RNF111: variants seen among roughly 807,000 people sequenced by gnomAD.
The protein encoded by RNF111 is E3 ubiquitin-protein ligase Arkadia.
In RNF111, 17 loss-of-function variants were observed where a neutral mutation model predicts 95.1. That is an observed-to-expected ratio of 0.18 (90% confidence interval 0.12 to 0.27). The LOEUF (loss-of-function observed/expected upper bound fraction) is 0.27, where lower values mean the gene tolerates loss of function less well. Ranked by LOEUF, RNF111 falls within the 10% of genes least tolerant of loss-of-function variation. RNF111 has a pLI of 1.00. For missense variants in RNF111, 1,189 were observed against 1,210.4 expected (o/e 0.98, Z 0.26); for synonymous variants, 440 against 414.8 (o/e 1.06, Z -0.74).
chr15:59,050,856 G>A (rs538889673), intron 2 of RNF111, among the ~76,000 whole-genome samples: 1 of 152,268 alleles, frequency 6.6e-6, no homozygotes, highest in South Asian at 2.1e-4. Flanking sequence ...CCTATGTTGT[G>A]CAGTAAATTT....
intron 5 of RNF111, 136 bp from the exon 6 acceptor site, chr15:59,066,628 C>T (rs2042668262): frequency 2.7e-6 from 2 of 734,462 alleles, no homozygotes; most frequent in Admixed American, 2.9e-5. Flanking sequence ...AAGAACGTGG[C>T]ACTATCACAT....
intron 8 of RNF111, among the ~76,000 whole-genome samples, chr15:59,081,512 CAAAG>C: frequency 6.7e-6 from 1 of 150,004 alleles, no homozygotes; most frequent in African/African-American, 2.5e-5. Flanking sequence ...AAAAAAAGAA[CAAAG>C]AACAGCAACA....
intron 1 of RNF111, among the ~76,000 whole-genome samples, chr15:59,020,892 C>T (rs1227912395): frequency 6.6e-6 from 1 of 152,016 alleles, no homozygotes; most frequent in Non-Finnish European, 1.5e-5. Flanking sequence ...GTTTTTTATG[C>T]CCTTCTTTTT....
chr15:59,047,549 G>A (rs1486436112), intron 2 of RNF111, among the ~76,000 whole-genome samples: 1 of 152,108 alleles, frequency 6.6e-6, no homozygotes, highest in South Asian at 2.1e-4. Flanking sequence ...AAAATGCTCA[G>A]CACCATTAGT....
At chr15:59,060,549 C>T (rs2042389915) in intron 5 of RNF111, among the ~76,000 whole-genome samples, 1 of 152,152 alleles carries the variant, frequency 6.6e-6, no homozygotes, top group Admixed American at 6.5e-5. Flanking sequence ...TCAGGAGAAT[C>T]ATGTGATCCT....
intron 2 of RNF111, among the ~76,000 whole-genome samples, chr15:59,036,554 G>C (rs777870214): frequency 6.6e-6 from 1 of 152,126 alleles, no homozygotes; most frequent in Non-Finnish European, 1.5e-5. Context: ...ACTACCGTGA[G>C]AACATGGTAT....
intron 6 of RNF111, among the ~76,000 whole-genome samples, chr15:59,067,908 A>G (rs957348635): frequency 1.3e-5 from 2 of 152,222 alleles, no homozygotes. Flanking sequence ...TGAGGTTTTC[A>G]GTTTATGGAG....
intron 3 of RNF111, among the ~76,000 whole-genome samples, 174 bp from the exon 4 acceptor site, chr15:59,055,508 T>C (rs1343246661): frequency 4.9e-5 from 4 of 81,136 alleles, no homozygotes. Flanking sequence ...GTATTTCTTA[T>C]ATTCTTAGGT....
intron 9 of RNF111, 64 bp from the exon 10 acceptor site, chr15:59,085,595 C>T: frequency 7.6e-6 from 11 of 1,451,352 alleles, no homozygotes; most frequent in Non-Finnish European, 1.0e-5. Context: ...AAACATAACT[C>T]CCCATGTCTG....
At chr15:59,076,574 C>T (rs1021198664) in intron 7 of RNF111, among the ~76,000 whole-genome samples, 1 of 152,022 alleles carries the variant, frequency 6.6e-6, no homozygotes, top group Non-Finnish European at 1.5e-5. Flanking sequence ...TAAAATATAA[C>T]CATGGTTGGG....
chr15:59,067,154 C>G, intron 6 of RNF111, 71 bp downstream of exon 6: 8 of 1,246,942 alleles, frequency 6.4e-6, no homozygotes, highest in Middle Eastern at 2.3e-4. Flanking sequence ...TCTCCCTTTT[C>G]TCTCTCTTCC....
intron 2 of RNF111, among the ~76,000 whole-genome samples, chr15:59,044,901 C>T (rs1287092821): frequency 1.3e-5 from 2 of 152,060 alleles, no homozygotes; most frequent in South Asian, 4.1e-4. Context: ...TGTGAATATG[C>T]TTTAGTTATA....
intron 3 of RNF111, among the ~76,000 whole-genome samples, chr15:59,053,500 A>G (rs1459792255): frequency 6.6e-6 from 1 of 152,222 alleles, no homozygotes; most frequent in African/African-American, 2.4e-5. Context: ...CATCTGTTAC[A>G]AACACTTAGA....
rs1295291880 is a variant in RNF111 at position 59,085,698 on chromosome 15, T to C, written c.2463T>C (p.Tyr821=). The C allele has an allele frequency of 3.7e-6, 6 of 1,613,508 alleles. No individual in the cohort carries two copies. Among genetic ancestry groups the C allele is most frequent in the East Asian group, 2.2e-5 (1 of 44,844 alleles). The change falls in exon 10 of 14, where the codon TAT becomes TAC. Residue 821 remains tyrosine (Y), a synonymous_variant. Transcript: ENST00000348370. ...AAGCTGGAGTGACTGCAGCTACTTA[T>C]ACACCTGGTGCATTGCATCCTCACT... ...GIEAGVTAAT[Y]TPGALHPHLA... is the part of the protein sequence containing the mutation.
Position 59,085,638 on chromosome 15 carries a change from CTG to C in RNF111, c.2424-19_2424-18del, listed in dbSNP as rs558042831. The C allele has an allele frequency of 1.2e-6, 2 of 1,609,138 alleles. No individual in the cohort carries two copies. Among genetic ancestry groups the C allele is most frequent in the African/African-American group, 2.7e-5 (2 of 74,830 alleles). On this transcript the variant is annotated intron_variant, in intron 9 of 13. Transcript: ENST00000348370. Reference sequence around the variant, plus strand: ...AAAAGAGACCCTAAGGAGGATTAAACTGTTCTCATCCTTTCGTTAGGGAACTG... The same window carrying C: ...AAAAGAGACCCTAAGGAGGATTAAACTTCTCATCCTTTCGTTAGGGAACTG...
At chr15:58,990,217 C>G (rs184265474) in intron 1 of RNF111, among the ~76,000 whole-genome samples, 2 of 152,082 alleles carry the variant, frequency 1.3e-5, no homozygotes, top group Non-Finnish European at 2.9e-5. Context: ...AGATAACTTT[C>G]GTTTTCTTTA....
At chr15:59,021,904 A>C (rs372379137) in intron 1 of RNF111, among the ~76,000 whole-genome samples, 1 of 152,090 alleles carries the variant, frequency 6.6e-6, no homozygotes, top group South Asian at 2.1e-4. Flanking sequence ...TCTGTCACCC[A>C]GGCTGAAGTA....
At chr15:58,998,268 G>C (rs1353457780) in intron 1 of RNF111, among the ~76,000 whole-genome samples, 1 of 149,858 alleles carries the variant, frequency 6.7e-6, no homozygotes, top group Non-Finnish European at 1.5e-5. Context: ...TTAAGTTTAA[G>C]TTCAGGGGTA....
At chr15:59,074,411 C>T (rs2043075438) in intron 6 of RNF111, among the ~76,000 whole-genome samples, 2 of 152,220 alleles carry the variant, frequency 1.3e-5, no homozygotes, top group Non-Finnish European at 2.9e-5. Context: ...ATGATCTTAG[C>T]TGGATTTTCT....
Sources: allele counts gnomAD v4.1 joint callset (sites outside exome capture counted in the v4.1 genomes callset), GRCh38; gene constraint gnomAD v4.1.1; transcripts MANE v1.5; gene names NCBI Gene and HGNC (gene_info 2026-07-23, HGNC 2026-07-21).